The following KCNC2 variants were observed in gnomAD, a reference collection of about 807,000 sequenced individuals.
KCNC2 encodes potassium voltage-gated channel subfamily C member 2.
A neutral mutation model predicts 44.5 loss-of-function variants in KCNC2; 21 were observed. The observed-to-expected ratio is 0.47, with a 90% confidence interval of 0.33 to 0.68. The LOEUF (loss-of-function observed/expected upper bound fraction) is 0.68. Among genes scored for constraint, KCNC2 ranks in the 30% least tolerant of loss-of-function variants. The pLI is 0.01. For synonymous variants in KCNC2, 391 were observed against 339.1 expected, an observed-to-expected ratio of 1.15 and a Z score of -1.68; for missense variants, 589 against 826.2, an observed-to-expected ratio of 0.71 and a Z score of 3.52.
At chr12:75,120,510 T>G (rs1887977216) in intron 2 of KCNC2, among the ~76,000 whole-genome samples, 1 of 152,220 alleles carries the variant, frequency 6.6e-6, no homozygotes, top group African/African-American at 2.4e-5. Flanking sequence ...ATCCATATGC[T>G]ATCTCTAAAT....
intron 3 of KCNC2, 65 bp from the exon 4 acceptor site, chr12:75,048,382 T>A: frequency 7.3e-7 from 1 of 1,368,544 alleles, no homozygotes; most frequent in Non-Finnish European, 9.9e-7. Context: ...GTACAAAGAG[T>A]TTACACAGAA....
intron 2 of KCNC2, among the ~76,000 whole-genome samples, chr12:75,133,387 G>A (rs1350520): frequency 0.12 from 17,388 of 150,926 alleles, 1,150 homozygotes; most frequent in African/African-American, 0.16. Flanking sequence ...CATATATCCC[G>A]TAAATATATA....
rs542258710 is a variant in KCNC2 at position 75,123,139 on chromosome 12, A to G, written c.688-71822T>C. Reference sequence around the variant, plus strand: ...TAAAAGATGATTTTTCTCTAATTTCATTACATAAATTTAAGATGCCACTTT... The same window carrying G: ...TAAAAGATGATTTTTCTCTAATTTCGTTACATAAATTTAAGATGCCACTTT... On this transcript the variant is annotated intron_variant, in intron 2 of 4. Transcript: ENST00000549446. 5.3e-5 allele frequency among the ~76,000 whole-genome samples: 8 copies of G among 152,256 alleles called. No individual in the cohort carries two copies. The East Asian group carries it at 1.5e-3, about 29-fold the overall frequency.
chr12:75,099,588 T>C (rs1886209062), intron 2 of KCNC2, among the ~76,000 whole-genome samples: 1 of 152,188 alleles, frequency 6.6e-6, no homozygotes, highest in African/African-American at 2.4e-5. Flanking sequence ...ATATGGTGTT[T>C]ACAAGAATTC....
intron 2 of KCNC2, among the ~76,000 whole-genome samples, chr12:75,110,006 A>T (rs1887100498): frequency 6.6e-6 from 1 of 151,778 alleles, no homozygotes; most frequent in Admixed American, 6.6e-5. Context: ...ACAAGAATAT[A>T]AAAAAATCAT....
Position 75,174,897 on chromosome 12 carries a change from G to A in KCNC2, c.687+32400C>T, listed in dbSNP as rs146862746. Among the ~76,000 whole-genome samples the A allele has an allele frequency of 2.6e-5, 4 of 152,042 alleles. No homozygotes were observed. The East Asian group carries it at 5.8e-4, about 22-fold the overall frequency. On this transcript the variant is annotated intron_variant, in intron 2 of 4. Transcript: ENST00000549446. ...TCTATTTATCTGACATGGTTGAAAG[G>A]ATAGCAAAAAACAAAAAGGCTAAGA... is the stretch of plus-strand genomic sequence containing the variant.
chr12:75,110,954 A>G lies in KCNC2; in HGVS notation c.688-59637T>C, dbSNP rs118176844. On this transcript the variant is annotated intron_variant, in intron 2 of 4. Transcript: ENST00000549446. ...ATGCATCTTAAAAATACGCTTTGTT[A>G]TTCTTGTTTTTGATATTTATAAAAA... Among the ~76,000 whole-genome samples, 12 of 152,150 alleles carry G rather than the reference A, an allele frequency of 7.9e-5. No homozygotes were observed. The East Asian group carries it at 1.7e-3, about 22-fold the overall frequency.
At chr12:75,124,584 T>C (rs1020283333) in intron 2 of KCNC2, among the ~76,000 whole-genome samples, 1 of 152,190 alleles carries the variant, frequency 6.6e-6, no homozygotes, top group African/African-American at 2.4e-5. Context: ...ATGTTTTATA[T>C]ACATTAAAGA....
intron 2 of KCNC2, among the ~76,000 whole-genome samples, chr12:75,147,798 G>A (rs1436056620): frequency 2.0e-5 from 3 of 152,062 alleles, no homozygotes; most frequent in Non-Finnish European, 4.4e-5. Flanking sequence ...GCCATGAAGA[G>A]ACCAAAGTAA....
intron 2 of KCNC2, among the ~76,000 whole-genome samples, chr12:75,090,910 T>C (rs1885418158): frequency 6.6e-6 from 1 of 151,648 alleles, no homozygotes; most frequent in Non-Finnish European, 1.5e-5. Context: ...TGAAGAAAAA[T>C]GGGTCAGCCA....
chr12:75,067,324 T>C (rs1050709558), intron 2 of KCNC2, among the ~76,000 whole-genome samples: 3 of 152,254 alleles, frequency 2.0e-5, no homozygotes, highest in African/African-American at 4.8e-5. Context: ...GGAATTCATA[T>C]GCAGTTCTTC....
chr12:75,099,534 T>A (rs1886203563), intron 2 of KCNC2, among the ~76,000 whole-genome samples: 1 of 152,168 alleles, frequency 6.6e-6, no homozygotes, highest in Non-Finnish European at 1.5e-5. Flanking sequence ...ACTATGAGCT[T>A]GAAGATTACA....
At chr12:75,124,013 A>C (rs988828801) in intron 2 of KCNC2, 7 of 152,282 alleles carry the variant, frequency 4.6e-5, no homozygotes, top group African/African-American at 1.7e-4. Context: ...AACTCACCAC[A>C]TTTCTTAAAA....
chr12:75,164,384 C>G (rs1194839350), intron 2 of KCNC2, among the ~76,000 whole-genome samples: 1 of 151,644 alleles, frequency 6.6e-6, no homozygotes, highest in African/African-American at 2.4e-5. Flanking sequence ...TGTGAATATC[C>G]CAGGATGTCA....
At chr12:75,208,418 C>T (rs1465877669) in intron 1 of KCNC2, among the ~76,000 whole-genome samples, 4 of 150,814 alleles carry the variant, frequency 2.7e-5, no homozygotes, top group African/African-American at 9.8e-5. Flanking sequence ...CCTACTTTCT[C>T]CCCCTCCTTT....
intron 2 of KCNC2, among the ~76,000 whole-genome samples, chr12:75,176,686 T>C (rs1892207533): frequency 6.6e-6 from 1 of 151,960 alleles, no homozygotes; most frequent in Non-Finnish European, 1.5e-5. Flanking sequence ...GTCTGCCACC[T>C]AAGCTTAAGA....
In KCNC2 at chr12:75,086,681, A is replaced by AATATATATAT. The variant is rs398044519; in HGVS notation, c.688-35374_688-35365dup. 6.5e-4 allele frequency among the ~76,000 whole-genome samples: 35 copies of AATATATATAT among 54,178 alleles called. No homozygotes were observed. The East Asian group carries it at 6.6e-3, about 10-fold the overall frequency. The allele number at this position is 54,178 out of a possible 152,430, so 35.5% of individuals were successfully genotyped here. On this transcript the variant is annotated intron_variant, in intron 2 of 4. Transcript: ENST00000549446. Reference sequence around the variant, plus strand: ...TTGGCAAAAAAAAAAAAAAAAAAAAAATATATATATATATATATACACACA... The same window carrying AATATATATAT: ...TTGGCAAAAAAAAAAAAAAAAAAAAAATATATATATATATATATATATATATATACACACA...
chr12:75,167,304 T>C (rs1891523324), intron 2 of KCNC2, among the ~76,000 whole-genome samples: 1 of 151,338 alleles, frequency 6.6e-6, no homozygotes, highest in Admixed American at 6.6e-5. Flanking sequence ...CAAGTGTGGG[T>C]TACTTATTTA....
At chr12:75,198,940 T>C (rs2031006837) in intron 2 of KCNC2, among the ~76,000 whole-genome samples, 1 of 151,862 alleles carries the variant, frequency 6.6e-6, no homozygotes, top group South Asian at 2.1e-4. Flanking sequence ...AGTCAATTAA[T>C]ATTATTTGAA....
Sources: allele counts gnomAD v4.1 joint callset (sites outside exome capture counted in the v4.1 genomes callset), GRCh38; gene constraint gnomAD v4.1.1; transcripts MANE v1.5; gene names NCBI Gene and HGNC (gene_info 2026-07-23, HGNC 2026-07-21).